The following PCCA variants were observed in gnomAD, a reference collection of about 807,000 sequenced individuals.
PCCA encodes the protein propionyl-CoA carboxylase alpha chain, mitochondrial.
Under a neutral mutation model 101.3 loss-of-function variants are expected in PCCA, and 74 were observed. The ratio of observed to expected loss-of-function variants is 0.73; its 90% CI spans 0.61 to 0.89. The LOEUF (loss-of-function observed/expected upper bound fraction) is 0.89, where lower values mean the gene tolerates loss of function less well. PCCA is among the 40% of genes least tolerant of loss of function. PCCA has a pLI of 0.00. For synonymous variants in PCCA, 294 were observed against 313.6 expected (o/e 0.94, Z 0.66); for missense variants, 891 against 907.0 (o/e 0.98, Z 0.23).
intron 6 of PCCA, among the ~76,000 whole-genome samples, chr13:100,181,040 C>T (rs1448826869): frequency 6.6e-6 from 1 of 152,140 alleles, no homozygotes; most frequent in Non-Finnish European, 1.5e-5. Flanking sequence ...TTGCATTCTC[C>T]CCCACCCACC....
At chr13:100,371,915 A>G (rs1332836573) in intron 19 of PCCA, among the ~76,000 whole-genome samples, 2 of 152,232 alleles carry the variant, frequency 1.3e-5, no homozygotes, top group Non-Finnish European at 2.9e-5. Flanking sequence ...AAGAGTTTCT[A>G]AAATATTCAG....
chr13:100,151,045 A>G (rs1162849441), intron 4 of PCCA: 3 of 1,557,520 alleles, frequency 1.9e-6, no homozygotes, highest in Non-Finnish European at 2.7e-6. Flanking sequence ...AGCGCATGAC[A>G]TCAGACTGCT....
chr13:100,373,830 G>T (rs937077525), intron 19 of PCCA, among the ~76,000 whole-genome samples: 3 of 152,178 alleles, frequency 2.0e-5, no homozygotes, highest in African/African-American at 7.2e-5. Context: ...GGAGGGTTGT[G>T]GCCAGGTGCA....
At chr13:100,229,575 C>T (rs1424049001) in intron 7 of PCCA, among the ~76,000 whole-genome samples, 1 of 152,204 alleles carries the variant, frequency 6.6e-6, no homozygotes, top group Non-Finnish European at 1.5e-5. Flanking sequence ...TTACCTTTCT[C>T]AGTATTCCAC....
intron 22 of PCCA, among the ~76,000 whole-genome samples, chr13:100,521,680 T>C (rs979865693): frequency 2.0e-5 from 3 of 152,206 alleles, no homozygotes; most frequent in Non-Finnish European, 2.9e-5. Context: ...TGAGATGCCT[T>C]TTTTTGTGAC....
chr13:100,225,747 A>G (rs1201269755), intron 7 of PCCA, among the ~76,000 whole-genome samples: 3 of 152,218 alleles, frequency 2.0e-5, no homozygotes, highest in African/African-American at 4.8e-5. Flanking sequence ...TATTTTTACT[A>G]TGCTGTTTTT....
intron 4 of PCCA, among the ~76,000 whole-genome samples, chr13:100,123,030 T>C (rs964994524): frequency 1.3e-5 from 2 of 152,232 alleles, no homozygotes; most frequent in African/African-American, 4.8e-5. Context: ...GAAGATTGTA[T>C]TGAGTTTCTA....
chr13:100,236,753 C>T (rs1034207465), intron 8 of PCCA: 1 of 152,200 alleles, frequency 6.6e-6, no homozygotes, highest in Non-Finnish European at 1.5e-5. Flanking sequence ...TGAGCCACCG[C>T]CCCTGGCTCG....
At chr13:100,446,323 C>A (rs1348023047) in intron 20 of PCCA, among the ~76,000 whole-genome samples, 1 of 152,172 alleles carries the variant, frequency 6.6e-6, no homozygotes, top group African/African-American at 2.4e-5. Flanking sequence ...AGCCACCGCA[C>A]CCTGCCCCTG....
chr13:100,109,557 G>A (rs1189108638), intron 2 of PCCA, among the ~76,000 whole-genome samples: 2 of 152,170 alleles, frequency 1.3e-5, no homozygotes, highest in Non-Finnish European at 2.9e-5. Flanking sequence ...ACCCATTTAA[G>A]AAAGTGTAAA....
chr13:100,485,233 C>G (rs923977826), intron 21 of PCCA, among the ~76,000 whole-genome samples: 5 of 152,212 alleles, frequency 3.3e-5, no homozygotes, highest in African/African-American at 1.2e-4. Flanking sequence ...GCCTGTGTTT[C>G]TCTATCAGCT....
At chr13:100,273,085 G>T in intron 11 of PCCA, 111 bp from the exon 12 acceptor site, 1 of 744,344 alleles carries the variant, frequency 1.3e-6, no homozygotes, top group Non-Finnish European at 2.4e-6. Flanking sequence ...TCTTAAATTG[G>T]TATAGATGAT....
Position 100,515,478 on chromosome 13 carries a change from C to G in PCCA, c.1951C>G (p.Leu651Val), listed in dbSNP as rs1449490636. 1 of 1,613,920 alleles carries G rather than the reference C, an allele frequency of 6.2e-7. No homozygotes were observed. The highest frequency in any genetic ancestry group is 1.7e-5 in the Admixed American group (1 of 60,002). The change falls in exon 22 of 24, where the codon CTG becomes GTG. Residue 651 changes from leucine (L) to valine (V), a missense_variant. By Grantham distance (32) the Leu-to-Val change is conservative. Transcript: ENST00000376285. ...TGCCGCAGAATTGAACAAATTTATG[C>G]TGGAAAAAGTGACTGAGGACACAAG... ...RLAAELNKFMLEKVTEDTSSV... is the reference protein window; with the variant it reads ...RLAAELNKFMVEKVTEDTSSV...
At chr13:100,315,755 A>C (rs1339464713) in intron 16 of PCCA, among the ~76,000 whole-genome samples, 2 of 152,136 alleles carry the variant, frequency 1.3e-5, no homozygotes, top group African/African-American at 4.8e-5. Context: ...GTGATTTCCC[A>C]TACAGATGGG....
chr13:100,333,870 A>C (rs911994207), intron 17 of PCCA, among the ~76,000 whole-genome samples: 2 of 152,220 alleles, frequency 1.3e-5, no homozygotes, highest in African/African-American at 4.8e-5. Flanking sequence ...CACTTTAAAA[A>C]ATACTACTAT....
At chr13:100,244,357 A>T (rs1037183387) in intron 8 of PCCA, among the ~76,000 whole-genome samples, 2 of 152,056 alleles carry the variant, frequency 1.3e-5, no homozygotes, top group Non-Finnish European at 1.5e-5. Flanking sequence ...ATGGGTGCTT[A>T]TATTTTCTTT....
chr13:100,379,833 G>T (rs2152827074), intron 19 of PCCA, among the ~76,000 whole-genome samples: 1 of 152,236 alleles, frequency 6.6e-6, no homozygotes, highest in African/African-American at 2.4e-5. Context: ...TCCCACACAT[G>T]TGGGAATTAT....
chr13:100,121,905 A>G (rs564339165), intron 4 of PCCA, among the ~76,000 whole-genome samples: 1 of 152,330 alleles, frequency 6.6e-6, no homozygotes, highest in South Asian at 2.1e-4. Flanking sequence ...TGAAGAGGTG[A>G]GAGGAGGCAT....
chr13:100,524,270 T>C (rs1253791501), intron 22 of PCCA, among the ~76,000 whole-genome samples: 1 of 152,046 alleles, frequency 6.6e-6, no homozygotes, highest in African/African-American at 2.4e-5. Context: ...CTGGGGCAGG[T>C]GTAGTTTGTG....
Sources: allele counts gnomAD v4.1 joint callset (sites outside exome capture counted in the v4.1 genomes callset), GRCh38; gene constraint gnomAD v4.1.1; transcripts MANE v1.5; gene names NCBI Gene and HGNC (gene_info 2026-07-23, HGNC 2026-07-21).